The following CEP63 variants were observed in gnomAD, a reference collection of about 807,000 sequenced individuals.
The protein encoded by CEP63 is centrosomal protein 63, also known as centrosomal protein of 63 kDa.
Under a neutral mutation model 89.1 loss-of-function variants are expected in CEP63, and 84 were observed. That is an observed-to-expected ratio of 0.94 (90% CI 0.79 to 1.13). The LOEUF (loss-of-function observed/expected upper bound fraction) is 1.13. CEP63 is among the 50% of genes most tolerant of loss of function. CEP63 has a pLI of 0.00. For missense variants in CEP63, 838 were observed against 813.3 expected, an observed-to-expected ratio of 1.03 and a Z score of -0.37; for synonymous variants, 267 against 272.5, an observed-to-expected ratio of 0.98 and a Z score of 0.20.
rs923663595 is a variant in CEP63 at position 134,562,972 on chromosome 3, A to G, written c.*1437A>G. The G allele has an allele frequency of 6.6e-6, 1 of 152,190 alleles. No individual in the cohort carries two copies. Among genetic ancestry groups the G allele is most frequent in the Non-Finnish European group, 1.5e-5 (1 of 68,070 alleles). 9.4% of individuals were successfully genotyped at this position (152,190 alleles called of 1,614,324 possible). A position where few individuals can be genotyped will look rare whatever the true frequency, so the allele number is the denominator to read the frequency against. On this transcript the variant is annotated 3_prime_UTR_variant, in exon 15 of 15. Coordinates refer to ENST00000675561, the MANE Select transcript of CEP63 (RefSeq NM_001353108.3). ...TACCACCTATAGGCCAGTGACCCTT[A>G]CATTTATTACTAATCTTGACCTCTC...
chr3:134,636,115 G>C, the CEP63 span, among the ~76,000 whole-genome samples: 4 of 152,276 alleles, frequency 2.6e-5, no homozygotes, highest in East Asian at 5.8e-4. Context: ...TGTATGTAAA[G>C]TGATTTGCAC....
intron 3 of CEP63, among the ~76,000 whole-genome samples, chr3:134,524,928 A>G (rs1435016280): frequency 6.6e-6 from 1 of 152,124 alleles, no homozygotes; most frequent in Non-Finnish European, 1.5e-5. Context: ...CTCTTCCTCA[A>G]TTTTTTGGAA....
the CEP63 span, among the ~76,000 whole-genome samples, chr3:134,713,181 C>T: frequency 6.6e-6 from 1 of 152,200 alleles, no homozygotes; most frequent in African/African-American, 2.4e-5. Flanking sequence ...AGGGACAGGA[C>T]TTGGAGCAGC....
chr3:134,519,893 TA>T (rs1947068537), intron 3 of CEP63, among the ~76,000 whole-genome samples: 2 of 152,190 alleles, frequency 1.3e-5, no homozygotes, highest in African/African-American at 4.8e-5. Context: ...ATAAAAATAT[TA>T]AAATCCCTTA....
At chr3:134,779,326 C>T in the CEP63 span, among the ~76,000 whole-genome samples, 1 of 152,130 alleles carries the variant, frequency 6.6e-6, no homozygotes, top group East Asian at 1.9e-4. Context: ...CTCATTTTTG[C>T]TCCTGTATAA....
chr3:134,555,855 C>T (rs9758838), intron 12 of CEP63, among the ~76,000 whole-genome samples: 149,956 of 152,154 alleles, frequency 0.99, 73,937 homozygotes, highest in Middle Eastern at 1. Context: ...GAGGCATCAC[C>T]CTACTTGACT....
Position 134,546,152 on chromosome 3 carries a change from C to G in CEP63, c.793C>G (p.Leu265Val), listed in dbSNP as rs1953265627. Residue 265 changes from leucine (L) to valine (V), a missense_variant, in exon 8 of 15, where the codon CTG becomes GTG. Leu to Val is a conservative substitution (Grantham distance 32, BLOSUM62 1). Transcript: ENST00000675561. Reference sequence around the variant, plus strand: ...ATCATATTTGACTTTTTTGCAGGCTCTGCAGGAAGAAAAGAGAGAATTGAA... The same window carrying G: ...ATCATATTTGACTTTTTTGCAGGCTGTGCAGGAAGAAAAGAGAGAATTGAA... ...LRESEKLLEALQEEKRELKAA... is the reference protein window; with the variant it reads ...LRESEKLLEAVQEEKRELKAA... 6.2e-7 allele frequency: 1 copy of G among 1,613,566 alleles called. No homozygotes were observed. The highest frequency in any genetic ancestry group is 8.5e-7 in the Non-Finnish European group (1 of 1,179,894).
the CEP63 span, among the ~76,000 whole-genome samples, chr3:134,724,261 G>A: frequency 1.3e-5 from 2 of 152,200 alleles, no homozygotes; most frequent in South Asian, 4.1e-4. Context: ...GTCACTGTCC[G>A]TTCTCTCTTC....
chr3:134,568,888 C>T (rs1957898551), downstream of CEP63, among the ~76,000 whole-genome samples: 1 of 152,166 alleles, frequency 6.6e-6, no homozygotes, highest in Admixed American at 6.5e-5. Context: ...GGGTGATTTA[C>T]AAGAGAAAGA....
chr3:134,538,625 TC>T (rs1320678697), intron 6 of CEP63, among the ~76,000 whole-genome samples: 2 of 149,768 alleles, frequency 1.3e-5, no homozygotes, highest in Non-Finnish European at 3.0e-5. Flanking sequence ...GCTGCATTGC[TC>T]AGGCTGATCT....
At chr3:134,592,097 A>G (rs1958608456), downstream of CEP63, among the ~76,000 whole-genome samples, 1 of 152,142 alleles carries the variant, frequency 6.6e-6, no homozygotes, top group Non-Finnish European at 1.5e-5. Context: ...CAAGAAGCTC[A>G]CCAGGGCTGC....
At chr3:134,608,464 T>C in the CEP63 span, 1 of 1,528,712 alleles carries the variant, frequency 6.5e-7, no homozygotes, top group Non-Finnish European at 8.8e-7. Flanking sequence ...TTCCCTGCCC[T>C]GATGGCCTGG....
In CEP63 at chr3:134,509,509, A is replaced by T. The variant is rs576461344; in HGVS notation, c.222+2223A>T. On this transcript the variant is annotated intron_variant, in intron 3 of 14. Coordinates refer to ENST00000675561, the MANE Select transcript of CEP63 (RefSeq NM_001353108.3). ...TTCTCTTGCTTTAACATTTTTGACG[A>T]TTCTTTCCCAAACCTATTAAGTAAT... Among the ~76,000 whole-genome samples, 16 of 152,304 alleles carry T rather than the reference A, an allele frequency of 1.1e-4. No homozygotes were observed. The South Asian group carries it at 3.3e-3, about 32-fold the overall frequency.
At chr3:134,672,574 A>G in the CEP63 span, among the ~76,000 whole-genome samples, 1 of 152,132 alleles carries the variant, frequency 6.6e-6, no homozygotes, top group Non-Finnish European at 1.5e-5. Flanking sequence ...ATAATCAGAA[A>G]TCTGGCAAAA....
the CEP63 span, among the ~76,000 whole-genome samples, chr3:134,690,736 G>A: frequency 8.1e-6 from 1 of 123,422 alleles, no homozygotes; most frequent in Admixed American, 9.8e-5. Context: ...TAGAAAGGAA[G>A]ACCAAGATTT....
At chr3:134,738,363 C>T in the CEP63 span, among the ~76,000 whole-genome samples, 1 of 151,876 alleles carries the variant, frequency 6.6e-6, no homozygotes, top group Non-Finnish European at 1.5e-5. Flanking sequence ...GTGAATTGTG[C>T]TGGTATAAAC....
At chr3:134,510,739 T>C in intron 3 of CEP63, 1 of 457,084 alleles carries the variant, frequency 2.2e-6, no homozygotes, top group Admixed American at 3.1e-5. Context: ...ACTTCTCCCA[T>C]GGTCTTCTCT....
rs562349949 is a variant in CEP63 at position 134,504,819 on chromosome 3, T to A, written c.45-2290T>A. 1.1e-3 allele frequency among the ~76,000 whole-genome samples: 165 copies of A among 152,256 alleles called. 2 individuals carry two copies. The highest frequency in any genetic ancestry group is 4.3e-3 in the South Asian group (21 of 4,828). ...TTTTTATTCTTTATTCTTTTGTTGT[T>A]TTTGTTGTTGTCTCATGGGGTTATT... is the stretch of plus-strand genomic sequence containing the variant. On this transcript the variant is annotated intron_variant, in intron 2 of 14. Coordinates refer to ENST00000675561, the MANE Select transcript of CEP63 (RefSeq NM_001353108.3).
chr3:134,770,999 G>A, the CEP63 span, among the ~76,000 whole-genome samples: 5 of 152,132 alleles, frequency 3.3e-5, no homozygotes, highest in East Asian at 5.8e-4. Flanking sequence ...AATTTGACAG[G>A]AAATTTCAAT....
Sources: allele counts gnomAD v4.1 joint callset (sites outside exome capture counted in the v4.1 genomes callset), GRCh38; gene constraint gnomAD v4.1.1; transcripts MANE v1.5; gene names NCBI Gene and HGNC (gene_info 2026-07-23, HGNC 2026-07-21).